Variants in CMIP observed in about 807,000 individuals in gnomAD.
The protein encoded by CMIP is C-Maf-inducing protein.
Under a neutral mutation model 97.3 loss-of-function variants are expected in CMIP, and 13 were observed. The observed-to-expected ratio is 0.13, with a 90% CI of 0.09 to 0.21. The LOEUF is 0.21. Ranked by LOEUF, CMIP falls within the 10% of genes least tolerant of loss-of-function variation. The pLI is 1.00. For missense variants in CMIP, 847 were observed against 1,024.9 expected, an observed-to-expected ratio of 0.83 and a Z score of 2.37; for synonymous variants, 538 against 436.3, an observed-to-expected ratio of 1.23 and a Z score of -2.91.
intron 1 of CMIP, among the ~76,000 whole-genome samples, chr16:81,493,672 A>T (rs2089441480): frequency 6.6e-6 from 1 of 152,252 alleles, no homozygotes; most frequent in African/African-American, 2.4e-5. Context: ...CTTCACAGTT[A>T]ATATAAACAC....
chr16:81,551,061 C>T (rs1179648856), intron 1 of CMIP, among the ~76,000 whole-genome samples: 1 of 146,334 alleles, frequency 6.8e-6, no homozygotes, highest in Non-Finnish European at 1.5e-5. Flanking sequence ...ACCCCAGTCC[C>T]GTCACACGCA....
At chr16:81,536,701 T>C (rs1038752098) in intron 1 of CMIP, among the ~76,000 whole-genome samples, 2 of 152,104 alleles carry the variant, frequency 1.3e-5, no homozygotes, top group African/African-American at 2.4e-5. Flanking sequence ...GCCTTTGTGG[T>C]AGGTGTTAAT....
rs1470746984 is a variant in CMIP, at chr16:81,444,874, A to T, written c.-368A>T. 3.7e-5 allele frequency among the ~76,000 whole-genome samples: 5 copies of T among 136,440 alleles called. No homozygotes were observed. 89.5% of individuals were successfully genotyped at this position (136,440 alleles called of 152,430 possible). Reference sequence around the variant, plus strand: ...ACGCGCGCGGCGGCGCGGGGCCCCGAGACACGCCCGCCCCCACCCCGCCGC... The same window carrying T: ...ACGCGCGCGGCGGCGCGGGGCCCCGTGACACGCCCGCCCCCACCCCGCCGC... On this transcript the variant is annotated 5_prime_UTR_variant, in exon 1 of 21. Transcript: ENST00000537098.
chr16:81,485,881 C>T (rs1165033914), intron 1 of CMIP, among the ~76,000 whole-genome samples: 1 of 152,166 alleles, frequency 6.6e-6, no homozygotes, highest in Non-Finnish European at 1.5e-5. Context: ...CTGCTTGGAC[C>T]ACCATACTGT....
At chr16:81,482,210 A>G (rs1406856083) in intron 1 of CMIP, among the ~76,000 whole-genome samples, 1 of 152,132 alleles carries the variant, frequency 6.6e-6, no homozygotes, top group African/African-American at 2.4e-5. Flanking sequence ...CTGTGGTTAC[A>G]CTGGGCTCAC....
rs909865706 is a variant in CMIP at position 81,709,825 on chromosome 16, G to A, written c.*26G>A. The A allele has an allele frequency of 6.2e-6, 10 of 1,612,624 alleles. No individual in the cohort carries two copies. Among genetic ancestry groups the A allele is most frequent in the East Asian group, 4.5e-5 (2 of 44,828 alleles). On this transcript the variant is annotated 3_prime_UTR_variant, in exon 21 of 21. Transcript: ENST00000537098. ...AGCTCCCAGCTCAAGGCAGGAAGAC[G>A]TTTGCAACCGCGACAAAATAACTCT...
At chr16:81,670,457 G>C (rs2092671873) in intron 8 of CMIP, among the ~76,000 whole-genome samples, 2 of 152,208 alleles carry the variant, frequency 1.3e-5, no homozygotes, top group African/African-American at 4.8e-5. Context: ...GACCCCTCAG[G>C]CTGTAGGTGC....
At position 81,453,267 on chromosome 16, in the gene CMIP, G is replaced by A. The variant is rs564016618; in HGVS notation, c.300+7726G>A. 1.6e-3 allele frequency among the ~76,000 whole-genome samples: 246 copies of A among 152,330 alleles called. No individual in the cohort carries two copies. The highest frequency in any genetic ancestry group is 2.6e-3 in the Non-Finnish European group (176 of 68,022). ...GGAGCGACTAAACTGATTGTGCTGG[G>A]CGAACTCTTTTTGGAGGGAAGCACG... On this transcript the variant is annotated intron_variant, in intron 1 of 20. Transcript: ENST00000537098. This position sits in a 1 kb window ranked among gnomAD's most constrained non-coding sequence, Gnocchi z 4.0.
intron 1 of CMIP, among the ~76,000 whole-genome samples, chr16:81,466,570 C>A (rs977572158): frequency 6.6e-6 from 1 of 152,220 alleles, no homozygotes; most frequent in Non-Finnish European, 1.5e-5. Context: ...TGAGGCATAA[C>A]TGAGACATTG....
intron 1 of CMIP, among the ~76,000 whole-genome samples, chr16:81,573,471 G>A (rs990213514): frequency 5.3e-5 from 8 of 152,222 alleles, no homozygotes; most frequent in African/African-American, 1.9e-4. Flanking sequence ...TTAAGGTTTT[G>A]GAAAGAAGTG....
chr16:81,607,466 T>C, intron 1 of CMIP, 101 bp from the exon 2 acceptor site: 1 of 1,464,388 alleles, frequency 6.8e-7, no homozygotes, highest in Non-Finnish European at 9.3e-7. Flanking sequence ...TCCATTTGCC[T>C]GTCGCCAGAG....
chr16:81,462,399 G>T (rs1417242780), intron 1 of CMIP, among the ~76,000 whole-genome samples: 4 of 152,130 alleles, frequency 2.6e-5, no homozygotes, highest in East Asian at 1.9e-4. Context: ...CATTCTTAGG[G>T]ATTCATGGAC....
At chr16:81,664,463 A>G (rs1424988618) in intron 7 of CMIP, 114 bp downstream of exon 7, 26 of 925,110 alleles carry the variant, frequency 2.8e-5, no homozygotes, top group Non-Finnish European at 8.1e-6. Flanking sequence ...GCCCAGCGTG[A>G]CAGCCAGGAA....
intron 1 of CMIP, among the ~76,000 whole-genome samples, chr16:81,566,045 A>C (rs1243392424): frequency 6.6e-6 from 1 of 152,048 alleles, no homozygotes; most frequent in Non-Finnish European, 1.5e-5. Flanking sequence ...TTTGAGGCTG[A>C]AATTGGGCAG....
chr16:81,653,648 A>T (rs1431110842), intron 4 of CMIP, among the ~76,000 whole-genome samples: 1 of 152,208 alleles, frequency 6.6e-6, no homozygotes, highest in Admixed American at 6.5e-5. Flanking sequence ...GGCAGGTGCC[A>T]GGTGCCACCC....
chr16:81,576,340 G>T (rs2091188419), intron 1 of CMIP, among the ~76,000 whole-genome samples: 2 of 152,096 alleles, frequency 1.3e-5, no homozygotes, highest in Admixed American at 6.5e-5. Context: ...GGAGGCAGGG[G>T]TTGCAGTGAG....
chr16:81,638,687 G>A (rs760414142), intron 3 of CMIP, among the ~76,000 whole-genome samples: 52 of 151,722 alleles, frequency 3.4e-4, no homozygotes, highest in Non-Finnish European at 1.9e-4. Context: ...TCTTTCTATA[G>A]CCTGTTCAAA....
At chr16:81,582,443 C>G (rs1044124212) in intron 1 of CMIP, among the ~76,000 whole-genome samples, 2 of 152,152 alleles carry the variant, frequency 1.3e-5, no homozygotes, top group African/African-American at 4.8e-5. Context: ...CCTCAAAGGC[C>G]TCCCCTAAAG....
At chr16:81,459,026 GTCACCATCACCA>G (rs369719054) in intron 1 of CMIP, among the ~76,000 whole-genome samples, 8 of 130,868 alleles carry the variant, frequency 6.1e-5, no homozygotes, top group Admixed American at 7.4e-5. Context: ...CACCATCACT[GTCACCATCACCA>G]TCACCATCAC....
Sources: allele counts gnomAD v4.1 joint callset (sites outside exome capture counted in the v4.1 genomes callset), GRCh38; gene constraint gnomAD v4.1.1; non-coding constraint Gnocchi (gnomAD v3.1); transcripts MANE v1.5; gene names NCBI Gene and HGNC (gene_info 2026-07-23, HGNC 2026-07-21).